NR3C2: variants seen among roughly 807,000 people sequenced by gnomAD.
The protein encoded by NR3C2 is mineralocorticoid receptor.
In NR3C2, 15 loss-of-function variants were observed where a neutral mutation model predicts 86.4. The ratio of observed to expected loss-of-function variants is 0.17; its 90% CI spans 0.12 to 0.27. NR3C2 has a LOEUF of 0.27. Among genes scored for constraint, NR3C2 ranks in the 10% least tolerant of loss-of-function variants. NR3C2 has a pLI of 1.00. For missense variants in NR3C2, 960 were observed against 1,195.6 expected (o/e 0.80, Z 2.91); for synonymous variants, 458 against 450.5 (o/e 1.02, Z -0.21).
intron 2 of NR3C2, among the ~76,000 whole-genome samples, chr4:148,429,868 A>G (rs1308604690): frequency 6.6e-6 from 1 of 152,238 alleles, no homozygotes; most frequent in Non-Finnish European, 1.5e-5. Context: ...AGTAAACGAA[A>G]CAAAATGATA....
intron 4 of NR3C2, among the ~76,000 whole-genome samples, chr4:148,176,265 T>C (rs887972227): frequency 1.3e-5 from 2 of 152,236 alleles, no homozygotes; most frequent in Non-Finnish European, 2.9e-5. Flanking sequence ...GATTTTCATA[T>C]TCTGAGTTCA....
At chr4:148,402,949 C>CT (rs1301312180) in intron 2 of NR3C2, among the ~76,000 whole-genome samples, 1 of 151,796 alleles carries the variant, frequency 6.6e-6, no homozygotes, top group African/African-American at 2.4e-5. Flanking sequence ...TTGAGGGTGT[C>CT]TTTTTTTGTA....
chr4:148,110,818 A>C (rs951482232), intron 8 of NR3C2, among the ~76,000 whole-genome samples: 1 of 152,230 alleles, frequency 6.6e-6, no homozygotes, highest in Non-Finnish European at 1.5e-5. Flanking sequence ...TGAAACAACC[A>C]AAAGTTCTCA....
intron 4 of NR3C2, among the ~76,000 whole-genome samples, chr4:148,167,001 G>C (rs138847808): frequency 6.6e-6 from 1 of 152,082 alleles, no homozygotes; most frequent in South Asian, 2.1e-4. Context: ...AACAGTTTTC[G>C]TTTCTTCTCT....
intron 2 of NR3C2, among the ~76,000 whole-genome samples, chr4:148,267,000 G>A (rs1175584887): frequency 6.6e-6 from 1 of 152,154 alleles, no homozygotes; most frequent in Non-Finnish European, 1.5e-5. Flanking sequence ...GATAGTTGCA[G>A]AACAGTATAT....
At chr4:148,364,026 C>A (rs192852686) in intron 2 of NR3C2, among the ~76,000 whole-genome samples, 39 of 152,270 alleles carry the variant, frequency 2.6e-4, no homozygotes, top group African/African-American at 9.4e-4. Flanking sequence ...GAATTTGAAT[C>A]TAAGTTTCAT....
chr4:148,351,988 T>C (rs573586622), intron 2 of NR3C2, among the ~76,000 whole-genome samples: 24 of 152,312 alleles, frequency 1.6e-4, no homozygotes, highest in Admixed American at 7.2e-4. Context: ...TAATGTGTGG[T>C]TGAAAAATGA....
In NR3C2 at chr4:148,136,065, A is replaced by AAAC. The variant is rs1308315362; in HGVS notation, c.2511-15778_2511-15777insGTT. Among the ~76,000 whole-genome samples, 110 of 96,834 alleles carry AAAC rather than the reference A, an allele frequency of 1.1e-3. 3 individuals are homozygous for AAAC. The highest frequency in any genetic ancestry group is 2.6e-3 in the African/African-American group (75 of 29,346). 63.5% of individuals were successfully genotyped at this position (96,834 alleles called of 152,430 possible). A position where few individuals can be genotyped will look rare whatever the true frequency, so the allele number is the denominator to read the frequency against. On this transcript the variant is annotated intron_variant, in intron 6 of 8. Coordinates refer to ENST00000358102, the MANE Select transcript of NR3C2 (RefSeq NM_000901.5). ...GAGCGAGACTCCGTCTCAAAAAAAA[A>AAAC]AAAAAAAAAAACAAAAAAAAAAAAC...
intron 4 of NR3C2, among the ~76,000 whole-genome samples, chr4:148,178,417 T>TC (rs1288949678): frequency 1.3e-5 from 2 of 151,788 alleles, no homozygotes; most frequent in African/African-American, 2.4e-5. Flanking sequence ...TGATTTTTTT[T>TC]CACTTTTAAA....
At chr4:148,236,499 TA>T (rs1020059069) in intron 3 of NR3C2, among the ~76,000 whole-genome samples, 1 of 151,936 alleles carries the variant, frequency 6.6e-6, no homozygotes, top group African/African-American at 2.4e-5. Flanking sequence ...ATATAATAAA[TA>T]AAATATACAA....
chr4:148,408,511 T>C (rs780983209), intron 2 of NR3C2, among the ~76,000 whole-genome samples: 4 of 152,200 alleles, frequency 2.6e-5, no homozygotes, highest in African/African-American at 4.8e-5. Flanking sequence ...TGTTTCTTTA[T>C]ACTCCACAGC....
chr4:148,272,751 C>T (rs1052769790), intron 2 of NR3C2, among the ~76,000 whole-genome samples: 1 of 151,898 alleles, frequency 6.6e-6, no homozygotes, highest in African/African-American at 2.4e-5. Context: ...AGGCTTTTGT[C>T]TTTGGCGCAG....
chr4:148,234,977 CACTAA>C (rs1246363867), intron 3 of NR3C2, among the ~76,000 whole-genome samples: 1 of 151,982 alleles, frequency 6.6e-6, no homozygotes, highest in East Asian at 1.9e-4. Context: ...CAATGTTTTG[CACTAA>C]ACTATACCTG....
In NR3C2 at chr4:148,228,295, A is replaced by ACC. The variant is rs1553998824; in HGVS notation, c.1897+31681_1897+31682dup. Among the ~76,000 whole-genome samples the ACC allele has an allele frequency of 5.0e-3, 757 of 151,348 alleles. 13 individuals are homozygous for ACC. Among genetic ancestry groups the ACC allele is most frequent in the African/African-American group, 0.017 (704 of 41,262 alleles). ...GCATTATTTATACACACACACACAC[A>ACC]CCCAAGTACTTTGCTTTTTCCAGTG... On this transcript the variant is annotated intron_variant, in intron 3 of 8. Transcript: ENST00000358102.
intron 2 of NR3C2, among the ~76,000 whole-genome samples, chr4:148,318,534 C>T (rs1174541536): frequency 1.3e-5 from 2 of 151,188 alleles, no homozygotes; most frequent in Admixed American, 6.6e-5. Flanking sequence ...CTCTCCAGCA[C>T]CTGTTGTTTC....
At chr4:148,112,307 T>A (rs369886777) in intron 8 of NR3C2, among the ~76,000 whole-genome samples, 10 of 152,336 alleles carry the variant, frequency 6.6e-5, no homozygotes, top group Middle Eastern at 3.4e-3. Context: ...TATAATCACA[T>A]GAATTTTGAT....
chr4:148,271,423 C>T (rs2149885180), intron 2 of NR3C2, among the ~76,000 whole-genome samples: 1 of 149,764 alleles, frequency 6.7e-6, no homozygotes, highest in South Asian at 2.1e-4. Context: ...GACTTCCTCC[C>T]TCCACAAATA....
chr4:148,379,111 A>C (rs1381355947), intron 2 of NR3C2, among the ~76,000 whole-genome samples: 3 of 152,190 alleles, frequency 2.0e-5, no homozygotes, highest in Non-Finnish European at 2.9e-5. Flanking sequence ...AAGCACTACT[A>C]AAAAAGGACT....
chr4:148,297,970 A>T (rs1742146497), intron 2 of NR3C2, among the ~76,000 whole-genome samples: 2 of 152,178 alleles, frequency 1.3e-5, no homozygotes, highest in South Asian at 4.1e-4. Context: ...AAGTAAAAGG[A>T]ACTCTCAGGC....
Sources: allele counts gnomAD v4.1 joint callset (sites outside exome capture counted in the v4.1 genomes callset), GRCh38; gene constraint gnomAD v4.1.1; transcripts MANE v1.5; gene names NCBI Gene and HGNC (gene_info 2026-07-23, HGNC 2026-07-21).